Variants in ARNT2 observed in about 807,000 individuals in gnomAD.
ARNT2 encodes ARNT protein 2.
A neutral mutation model predicts 91.7 loss-of-function variants in ARNT2; 36 were observed. The observed-to-expected ratio is 0.39, with a 90% CI of 0.30 to 0.52. ARNT2 has a LOEUF of 0.52. Ranked by LOEUF, ARNT2 falls within the 20% of genes least tolerant of loss-of-function variation. ARNT2 has a pLI of 0.72. For missense variants in ARNT2, 775 were observed against 939.3 expected, an observed-to-expected ratio of 0.83 and a Z score of 2.29; for synonymous variants, 365 against 347.1, an observed-to-expected ratio of 1.05 and a Z score of -0.57.
At chr15:80,424,160 C>T (rs900222403) in intron 1 of ARNT2, among the ~76,000 whole-genome samples, 1 of 152,168 alleles carries the variant, frequency 6.6e-6, no homozygotes, top group African/African-American at 2.4e-5. Context: ...CTGACCAGAT[C>T]TGGGCATGTA....
At chr15:80,427,054 A>G (rs954271854) in intron 1 of ARNT2, among the ~76,000 whole-genome samples, 3 of 152,206 alleles carry the variant, frequency 2.0e-5, no homozygotes, top group African/African-American at 4.8e-5. Context: ...ATTGGGGGTT[A>G]GGACTTCAAC....
chr15:80,544,357 G>A (rs1438320384), intron 8 of ARNT2, among the ~76,000 whole-genome samples: 1 of 152,174 alleles, frequency 6.6e-6, no homozygotes, highest in Non-Finnish European at 1.5e-5. Context: ...GCTAGGGGCA[G>A]TCACCAGGCT....
intron 8 of ARNT2, among the ~76,000 whole-genome samples, chr15:80,550,311 T>C (rs1443635862): frequency 6.6e-6 from 1 of 152,148 alleles, no homozygotes; most frequent in African/African-American, 2.4e-5. Context: ...ACCATAGTGA[T>C]ATTTAACGTG....
intron 3 of ARNT2, among the ~76,000 whole-genome samples, chr15:80,464,611 G>A (rs1305325246): frequency 2.0e-5 from 3 of 152,308 alleles, no homozygotes; most frequent in Non-Finnish European, 4.4e-5. Context: ...CTCAAGGAGA[G>A]AGCAACCCTC....
chr15:80,505,611 A>C, intron 5 of ARNT2, among the ~76,000 whole-genome samples: 1 of 152,242 alleles, frequency 6.6e-6, no homozygotes, highest in Non-Finnish European at 1.5e-5. Flanking sequence ...GAGGTAGCTG[A>C]AGCACAGAGG....
chr15:80,546,148 A>G (rs888390663), intron 8 of ARNT2, among the ~76,000 whole-genome samples: 8 of 152,212 alleles, frequency 5.3e-5, no homozygotes, highest in African/African-American at 1.7e-4. Flanking sequence ...CCTTAAATAA[A>G]TCTATTTTAT....
At chr15:80,448,721 C>T (rs775793449) in intron 1 of ARNT2, among the ~76,000 whole-genome samples, 4 of 152,148 alleles carry the variant, frequency 2.6e-5, no homozygotes, top group Non-Finnish European at 4.4e-5. Context: ...CGGTGGCTAA[C>T]GCCTGTAATC....
chr15:80,511,579 A>G (rs1897342994), intron 6 of ARNT2, among the ~76,000 whole-genome samples: 1 of 152,106 alleles, frequency 6.6e-6, no homozygotes, highest in Non-Finnish European at 1.5e-5. Flanking sequence ...ACAGTTGGAC[A>G]TGTAGTTCTG....
chr15:80,518,274 ATTCTTT>A (rs1897475106), intron 8 of ARNT2, among the ~76,000 whole-genome samples: 1 of 83,116 alleles, frequency 1.2e-5, no homozygotes, highest in Non-Finnish European at 2.4e-5. Flanking sequence ...TTCTTTTTCT[ATTCTTT>A]TTTTTTTTTT....
At chr15:80,465,224 A>T (rs1263606818) in intron 3 of ARNT2, among the ~76,000 whole-genome samples, 2 of 151,646 alleles carry the variant, frequency 1.3e-5, no homozygotes, top group Non-Finnish European at 2.9e-5. Context: ...AAAGGAAAAA[A>T]CTCCTGGTGT....
chr15:80,491,305 G>A (rs950563159), intron 5 of ARNT2, among the ~76,000 whole-genome samples: 4 of 152,218 alleles, frequency 2.6e-5, no homozygotes, highest in African/African-American at 9.7e-5. Context: ...GGAGGAACAA[G>A]TCACGACTTA....
chr15:80,551,987 T>C (rs989266682), intron 9 of ARNT2, among the ~76,000 whole-genome samples: 1 of 152,162 alleles, frequency 6.6e-6, no homozygotes, highest in Non-Finnish European at 1.5e-5. Flanking sequence ...TTAAATTTGC[T>C]CAATGTCTGG....
chr15:80,548,191 G>C (rs1197991428), intron 8 of ARNT2, among the ~76,000 whole-genome samples: 1 of 152,124 alleles, frequency 6.6e-6, no homozygotes, highest in Non-Finnish European at 1.5e-5. Flanking sequence ...TGAGTGCAGA[G>C]CAGATATTAG....
chr15:80,545,414 G>A (rs1897975472), intron 8 of ARNT2, among the ~76,000 whole-genome samples: 2 of 152,206 alleles, frequency 1.3e-5, no homozygotes, highest in Admixed American at 1.3e-4. Context: ...GGAACTGTAG[G>A]TACATGGTAA....
chr15:80,442,879 T>C (rs914860926), intron 1 of ARNT2: 14 of 985,426 alleles, frequency 1.4e-5, no homozygotes, highest in Non-Finnish European at 1.7e-5. Flanking sequence ...AATTTTCCCT[T>C]TTTGGGATCT....
intron 2 of ARNT2, among the ~76,000 whole-genome samples, chr15:80,455,139 G>A (rs1011656289): frequency 7.9e-5 from 12 of 152,126 alleles, no homozygotes; most frequent in African/African-American, 2.9e-4. Flanking sequence ...AATCCAAGAT[G>A]GTGATAGCAG....
chr15:80,474,897 G>A (rs1896778054), intron 4 of ARNT2, 113 bp from the exon 5 acceptor site: 17 of 1,079,446 alleles, frequency 1.6e-5, no homozygotes, highest in Non-Finnish European at 2.3e-5. Context: ...AACTATTTGT[G>A]TACCAGAATA....
intron 1 of ARNT2, among the ~76,000 whole-genome samples, chr15:80,405,740 A>G (rs752361600): frequency 6.6e-6 from 1 of 152,198 alleles, no homozygotes; most frequent in Non-Finnish European, 1.5e-5. Context: ...CACTGGGGAT[A>G]TAAGAGGCAG....
chr15:80,484,569 C>A (rs1896938136), intron 5 of ARNT2, among the ~76,000 whole-genome samples: 1 of 152,250 alleles, frequency 6.6e-6, no homozygotes, highest in African/African-American at 2.4e-5. Context: ...TCGCTACATG[C>A]ATAGCATGGC....
Sources: allele counts gnomAD v4.1 joint callset (sites outside exome capture counted in the v4.1 genomes callset), GRCh38; gene constraint gnomAD v4.1.1; transcripts MANE v1.5; gene names NCBI Gene and HGNC (gene_info 2026-07-23, HGNC 2026-07-21).